The following GRM8 variants were observed in gnomAD, a reference collection of about 807,000 sequenced individuals.
GRM8 encodes the protein glutamate metabotropic receptor 8, also known as metabotropic glutamate receptor 8.
In GRM8, 47 loss-of-function variants were observed where a neutral mutation model predicts 87.2. The observed-to-expected ratio is 0.54, with a 90% CI of 0.43 to 0.69. The LOEUF is 0.69. Ranked by LOEUF, GRM8 falls within the 30% of genes least tolerant of loss-of-function variation. The probability of loss-of-function intolerance (pLI) is 0.00; values close to 1 mark genes in which losing one functional copy is unlikely to be tolerated. For synonymous variants in GRM8, 396 were observed against 404.5 expected (o/e 0.98, Z 0.25); for missense variants, 1,019 against 1,139.2 (o/e 0.89, Z 1.52).
intron 6 of GRM8, among the ~76,000 whole-genome samples, chr7:126,817,854 T>C (rs1793935674): frequency 6.6e-6 from 1 of 152,188 alleles, no homozygotes; most frequent in Non-Finnish European, 1.5e-5. Flanking sequence ...CATACATTCA[T>C]TCTGTATAGT....
chr7:126,993,905 C>A (rs368130902), intron 3 of GRM8, among the ~76,000 whole-genome samples: 1 of 152,088 alleles, frequency 6.6e-6, no homozygotes, highest in Non-Finnish European at 1.5e-5. Context: ...GAAAGGCAGT[C>A]GAGGACACAA....
At chr7:126,648,583 C>G (rs760397296) in intron 7 of GRM8, among the ~76,000 whole-genome samples, 2 of 152,202 alleles carry the variant, frequency 1.3e-5, no homozygotes, top group African/African-American at 4.8e-5. Flanking sequence ...TCTAACAGGA[C>G]AGATTCATTA....
intron 6 of GRM8, among the ~76,000 whole-genome samples, chr7:126,895,473 G>T (rs531025109): frequency 6.6e-6 from 1 of 152,194 alleles, no homozygotes; most frequent in East Asian, 1.9e-4. Context: ...ATCAAAATCT[G>T]CATGTTAACA....
chr7:126,793,850 A>G (rs912925944), intron 6 of GRM8, among the ~76,000 whole-genome samples: 2 of 152,212 alleles, frequency 1.3e-5, no homozygotes, highest in African/African-American at 4.8e-5. Flanking sequence ...ACCAAAGACT[A>G]CACTAACTAA....
intron 3 of GRM8, among the ~76,000 whole-genome samples, chr7:127,051,736 G>T (rs1819492203): frequency 4.8e-5 from 1 of 20,782 alleles, no homozygotes; most frequent in Non-Finnish European, 8.5e-5. Context: ...ACATAATGTT[G>T]AGCAAAAAAA....
intron 8 of GRM8, among the ~76,000 whole-genome samples, chr7:126,604,346 A>G (rs1798141982): frequency 1.3e-5 from 2 of 152,104 alleles, no homozygotes; most frequent in Admixed American, 6.6e-5. Flanking sequence ...ATCATGGTGC[A>G]TATACCTCTC....
chr7:126,615,246 A>C (rs1380682382), intron 7 of GRM8, among the ~76,000 whole-genome samples: 1 of 152,198 alleles, frequency 6.6e-6, no homozygotes, highest in Non-Finnish European at 1.5e-5. Context: ...AAGAATTTTC[A>C]ACCCAGAATT....
At chr7:126,754,103 A>G (rs1157123908) in intron 7 of GRM8, among the ~76,000 whole-genome samples, 1 of 151,854 alleles carries the variant, frequency 6.6e-6, no homozygotes, top group East Asian at 1.9e-4. Context: ...CTAATCAGGT[A>G]TTATTATTTC....
intron 2 of GRM8, among the ~76,000 whole-genome samples, chr7:127,127,885 T>C (rs1827460196): frequency 6.6e-6 from 1 of 152,078 alleles, no homozygotes; most frequent in Admixed American, 6.6e-5. Flanking sequence ...TTTGAAATCT[T>C]GGTATAATGT....
At chr7:126,706,512 G>A (rs572353875) in intron 7 of GRM8, among the ~76,000 whole-genome samples, 12 of 152,236 alleles carry the variant, frequency 7.9e-5, no homozygotes, top group African/African-American at 2.9e-4. Context: ...GTCTTATTCA[G>A]GCTGTCAACC....
chr7:127,143,322 A>G (rs779836512), intron 2 of GRM8, among the ~76,000 whole-genome samples: 1 of 152,248 alleles, frequency 6.6e-6, no homozygotes. Context: ...AACCATTGAA[A>G]TTGTGATAGC....
At chr7:127,053,367 T>C (rs1236336690) in intron 3 of GRM8, among the ~76,000 whole-genome samples, 3 of 152,256 alleles carry the variant, frequency 2.0e-5, no homozygotes, top group African/African-American at 4.8e-5. Context: ...AGTCTCAGTC[T>C]AAGTTTTGAA....
Position 127,139,518 on chromosome 7 carries a change from A to T in GRM8, c.511-32806T>A, listed in dbSNP as rs146960373. ...ATTATTTAAAAAGTAACTGGCATAT[A>T]TTCTTCAAGCAATATTCACTTACCC... On this transcript the variant is annotated intron_variant, in intron 2 of 10. Coordinates refer to ENST00000339582, the MANE Select transcript of GRM8 (RefSeq NM_000845.3). Among the ~76,000 whole-genome samples the T allele has an allele frequency of 1.3e-3, 193 of 152,270 alleles. 2 individuals are homozygous for T. The highest frequency in any genetic ancestry group is 4.6e-3 in the African/African-American group (189 of 41,510).
chr7:127,127,557 A>G (rs1043630549), intron 2 of GRM8, among the ~76,000 whole-genome samples: 10 of 152,126 alleles, frequency 6.6e-5, no homozygotes, highest in African/African-American at 1.9e-4. Context: ...ATGTGATTCT[A>G]TTTATTGAAA....
chr7:127,021,561 C>T (rs1002461752), intron 3 of GRM8, among the ~76,000 whole-genome samples: 5 of 151,992 alleles, frequency 3.3e-5, no homozygotes, highest in African/African-American at 1.2e-4. Context: ...GTTGTTTGGA[C>T]AGTTCAATCA....
At chr7:126,827,076 T>C (rs1270337409) in intron 6 of GRM8, among the ~76,000 whole-genome samples, 2 of 152,208 alleles carry the variant, frequency 1.3e-5, no homozygotes, top group Non-Finnish European at 2.9e-5. Context: ...TTGATCTATA[T>C]CTCTGTTTTG....
intron 8 of GRM8, among the ~76,000 whole-genome samples, chr7:126,568,080 T>A (rs1276275739): frequency 6.6e-6 from 1 of 152,162 alleles, no homozygotes; most frequent in African/African-American, 2.4e-5. Context: ...GGTAAACTAG[T>A]TAAAATTATA....
intron 9 of GRM8, among the ~76,000 whole-genome samples, chr7:126,507,764 TTTTTC>T (rs1458949176): frequency 2.2e-4 from 34 of 152,080 alleles, no homozygotes; most frequent in Non-Finnish European, 4.3e-4. Context: ...CAATTCCTTC[TTTTTC>T]GAGCTTGTCT....
At chr7:127,045,417 T>C (rs1818832059) in intron 3 of GRM8, among the ~76,000 whole-genome samples, 1 of 151,962 alleles carries the variant, frequency 6.6e-6, no homozygotes, top group Non-Finnish European at 1.5e-5. Context: ...TCTTCAGTCA[T>C]TCAAGAGATG....
Sources: allele counts gnomAD v4.1 joint callset (sites outside exome capture counted in the v4.1 genomes callset), GRCh38; gene constraint gnomAD v4.1.1; transcripts MANE v1.5; gene names NCBI Gene and HGNC (gene_info 2026-07-23, HGNC 2026-07-21).